The following MPPED2 variants were observed in gnomAD, a reference collection of about 807,000 sequenced individuals.
MPPED2 encodes the protein metallophosphoesterase MPPED2.
In MPPED2, 5 loss-of-function variants were observed where a neutral mutation model predicts 33.0. The ratio of observed to expected loss-of-function variants is 0.15; its 90% CI spans 0.08 to 0.32. The LOEUF is 0.32. Among genes scored for constraint, MPPED2 ranks in the 10% least tolerant of loss-of-function variants. The pLI is 1.00. For synonymous variants in MPPED2, 136 were observed against 141.9 expected (o/e 0.96, Z 0.29); for missense variants, 275 against 372.1 (o/e 0.74, Z 2.15).
At chr11:30,401,910 G>A (rs977402646) in intron 6 of MPPED2, among the ~76,000 whole-genome samples, 7 of 149,958 alleles carry the variant, frequency 4.7e-5, no homozygotes, top group Non-Finnish European at 1.0e-4. Context: ...TGTTAGCCAG[G>A]ATGGTCTCGA....
At chr11:30,437,209 T>C (rs77595395) in intron 4 of MPPED2, among the ~76,000 whole-genome samples, 325 of 152,376 alleles carry the variant, frequency 2.1e-3, no homozygotes, top group African/African-American at 7.0e-3. Flanking sequence ...CTAAGTTACC[T>C]ACCCACAACT....
chr11:30,499,787 G>A (rs1425274325), intron 3 of MPPED2, among the ~76,000 whole-genome samples: 1 of 152,156 alleles, frequency 6.6e-6, no homozygotes, highest in Non-Finnish European at 1.5e-5. Flanking sequence ...CTTGCTGCTG[G>A]TGGGACCAAT....
intron 2 of MPPED2, among the ~76,000 whole-genome samples, chr11:30,551,832 A>T (rs1158555698): frequency 6.6e-6 from 1 of 152,220 alleles, no homozygotes; most frequent in East Asian, 1.9e-4. Context: ...GTATTCTCAC[A>T]TCTGTGTTAG....
At chr11:30,543,071 A>G (rs893528863) in intron 2 of MPPED2, among the ~76,000 whole-genome samples, 3 of 152,226 alleles carry the variant, frequency 2.0e-5, no homozygotes, top group African/African-American at 4.8e-5. Flanking sequence ...CTTCTCCTAA[A>G]CTAAATAAGT....
chr11:30,393,173 G>T (rs999418767), intron 6 of MPPED2, among the ~76,000 whole-genome samples: 2 of 152,138 alleles, frequency 1.3e-5, no homozygotes, highest in South Asian at 4.1e-4. Context: ...CACCACACCT[G>T]CTGGGTACTC....
At chr11:30,523,886 T>G (rs2134395443) in intron 3 of MPPED2, among the ~76,000 whole-genome samples, 1 of 152,152 alleles carries the variant, frequency 6.6e-6, no homozygotes, top group South Asian at 2.1e-4. Context: ...ATTGACAGAC[T>G]GAAGAGATGA....
chr11:30,526,893 T>A (rs974412633), intron 3 of MPPED2, among the ~76,000 whole-genome samples: 1 of 151,898 alleles, frequency 6.6e-6, no homozygotes, highest in African/African-American at 2.4e-5. Context: ...TTTTCTATTT[T>A]TTTTTATTTT....
At chr11:30,464,988 A>G (rs1167045339) in intron 4 of MPPED2, among the ~76,000 whole-genome samples, 1 of 152,210 alleles carries the variant, frequency 6.6e-6, no homozygotes, top group Non-Finnish European at 1.5e-5. Context: ...AGTTTTAGGC[A>G]TGTAATCTCT....
intron 6 of MPPED2, among the ~76,000 whole-genome samples, chr11:30,397,557 T>C (rs1212147083): frequency 6.6e-6 from 1 of 152,136 alleles, no homozygotes; most frequent in Non-Finnish European, 1.5e-5. Flanking sequence ...AGATAAGTCA[T>C]AAAACAACCA....
intron 5 of MPPED2, among the ~76,000 whole-genome samples, chr11:30,416,664 C>A (rs1948374375): frequency 6.6e-6 from 1 of 151,960 alleles, no homozygotes. Context: ...TGTGTTTAGC[C>A]ACAATTTTAA....
In MPPED2 at chr11:30,520,919, TCTTTACACTTTGTAGAAAAGCA is replaced by T. The variant is rs775845423; in HGVS notation, c.310+15053_310+15074del. On this transcript the variant is annotated intron_variant, in intron 3 of 6. Coordinates refer to ENST00000358117, the MANE Select transcript of MPPED2 (RefSeq NM_001584.3). ...GTACCCACCAGGCCCAGGGGACTCC[TCTTTACACTTTGTAGAAAAGCA>T]CTTTACAGATAAGCAGCAGCCCCAA... 7.1e-4 allele frequency among the ~76,000 whole-genome samples: 108 copies of T among 152,236 alleles called. 1 individual carries two copies. The highest frequency in any genetic ancestry group is 8.8e-5 in the Non-Finnish European group (6 of 68,026).
chr11:30,448,674 TC>T (rs995622595), intron 4 of MPPED2, among the ~76,000 whole-genome samples: 2 of 151,618 alleles, frequency 1.3e-5, no homozygotes, highest in African/African-American at 4.8e-5. Context: ...AGAGAAGCAC[TC>T]CCCACTATTT....
At chr11:30,497,624 G>T (rs746631530) in intron 3 of MPPED2, among the ~76,000 whole-genome samples, 65 of 152,096 alleles carry the variant, frequency 4.3e-4, no homozygotes, top group African/African-American at 1.5e-3. Flanking sequence ...TTTAGGGCTC[G>T]GGTTCAGGGA....
intron 2 of MPPED2, among the ~76,000 whole-genome samples, chr11:30,566,120 T>C (rs1482172826): frequency 1.3e-5 from 2 of 152,186 alleles, no homozygotes; most frequent in Admixed American, 1.3e-4. Flanking sequence ...CCCGTTTTCA[T>C]GGTCTTCATT....
At chr11:30,532,062 G>A (rs1365433311) in intron 3 of MPPED2, among the ~76,000 whole-genome samples, 1 of 152,204 alleles carries the variant, frequency 6.6e-6, no homozygotes, top group Non-Finnish European at 1.5e-5. Flanking sequence ...CACGTTAAAA[G>A]GAAGCTAATA....
intron 3 of MPPED2, among the ~76,000 whole-genome samples, chr11:30,533,503 T>C (rs1274679037): frequency 6.6e-6 from 1 of 152,094 alleles, no homozygotes; most frequent in African/African-American, 2.4e-5. Flanking sequence ...AAACCCTAGA[T>C]TGATCTGACC....
At chr11:30,581,904 G>A (rs920202412) in intron 1 of MPPED2, among the ~76,000 whole-genome samples, 2 of 152,156 alleles carry the variant, frequency 1.3e-5, no homozygotes, top group African/African-American at 2.4e-5. Context: ...GTCACTTTGG[G>A]TTCTCTTTCT....
At chr11:30,508,886 T>A (rs535080838) in intron 3 of MPPED2, among the ~76,000 whole-genome samples, 3 of 152,318 alleles carry the variant, frequency 2.0e-5, no homozygotes, top group African/African-American at 7.2e-5. Flanking sequence ...TTCTGCCACA[T>A]GACTATGGAC....
chr11:30,519,885 G>A (rs1376307886), intron 3 of MPPED2, among the ~76,000 whole-genome samples: 2 of 152,164 alleles, frequency 1.3e-5, no homozygotes, highest in African/African-American at 4.8e-5. Context: ...GGTGGGCACT[G>A]AGTCTCAAAC....
Sources: gnomAD v4.1 joint callset for allele counts (sites outside exome capture counted in the v4.1 genomes callset) on GRCh38, gnomAD v4.1.1 for gene constraint, MANE v1.5 for transcripts, NCBI Gene and HGNC (gene_info 2026-07-23, HGNC 2026-07-21) for gene names.